Variants in AR observed in about 807,000 individuals in gnomAD.
AR encodes the protein androgen receptor.
AR carries 8 observed loss-of-function variants against 53.9 expected under a neutral mutation model. That is an observed-to-expected ratio of 0.15 (90% confidence interval 0.09 to 0.27). AR has a LOEUF of 0.27. AR is among the 10% of genes least tolerant of loss of function. The probability of loss-of-function intolerance (pLI) is 1.00; values close to 1 mark genes in which losing one functional copy is unlikely to be tolerated. For synonymous variants in AR, 359 were observed against 316.4 expected (o/e 1.13, Z -1.43); for missense variants, 639 against 742.5 (o/e 0.86, Z 1.62).
intron 1 of AR, among the ~76,000 whole-genome samples, chrX:67,618,676 A>G (rs1924229084): frequency 9.0e-6 from 1 of 111,594 alleles, no homozygotes; most frequent in Non-Finnish European, 1.9e-5. Flanking sequence ...ATGTGTTCCT[A>G]TTCTATCTAG....
chrX:67,623,218 A>G (rs1924463231), intron 1 of AR, among the ~76,000 whole-genome samples: 1 of 110,511 alleles, frequency 9.0e-6, no homozygotes, highest in African/African-American at 3.3e-5. Flanking sequence ...AAACGCTAGC[A>G]AACGTTGTGA....
At chrX:67,583,003 T>C (rs1424837059) in intron 1 of AR, among the ~76,000 whole-genome samples, 1 of 112,048 alleles carries the variant, frequency 8.9e-6, no homozygotes, top group Non-Finnish European at 1.9e-5. Context: ...AGCTTCATTT[T>C]TGGTCATTGC....
At chrX:67,711,764 T>C in intron 4 of AR, 75 bp downstream of exon 4, 1 of 1,040,996 alleles carries the variant, frequency 9.6e-7, no homozygotes, top group African/African-American at 1.9e-5. Flanking sequence ...CCAGCCACCA[T>C]GTCTGGTGCT....
rs1045688277 is a variant in AR at position 67,723,409 on chromosome X, A to G, written c.2608-277A>G. The stretch of plus-strand genomic sequence containing the variant: ...GTGCGGAGGCTTGGGTGAGAGCACA[A>G]GCTGGAGAAGTCTTGAGTCAGAGAG... On this transcript the variant is annotated intron_variant, in intron 7 of 7. Coordinates refer to ENST00000374690, the MANE Select transcript of AR (RefSeq NM_000044.6). Among the ~76,000 whole-genome samples the G allele has an allele frequency of 7.0e-5, 7 of 100,343 alleles. No homozygotes were observed. In the East Asian group the frequency reaches 2.4e-3, roughly 34 times the overall value. 87.1% of individuals were successfully genotyped at this position (100,343 alleles called of 115,157 possible).
intron 2 of AR, among the ~76,000 whole-genome samples, chrX:67,682,271 A>T (rs1348306616): frequency 9.0e-6 from 1 of 110,924 alleles, no homozygotes; most frequent in Admixed American, 9.6e-5. Context: ...CTTACTTTGC[A>T]CAGATTATTA....
Position 67,711,447 on chromosome X carries a change from G to C in AR, c.1931G>C (p.Gly644Ala), listed in dbSNP as rs1298691127. ...GGTAATCTGAAACTACAGGAGGAAG[G>C]AGAGGCTTCCAGCACCACCAGCCCC... ...KLGNLKLQEE[G>A]EASSTTSPTE... The change falls in exon 4 of 8, where the codon GGA (glycine) becomes GCA (alanine). Residue 644 changes from glycine to alanine, a missense_variant. Physicochemically the swap from Gly to Ala is moderately conservative, Grantham distance 60. This residue lies in a region of AR where 47 missense variants were observed against 35.9 expected (regional missense o/e 1.31). Transcript: ENST00000374690. 1 of 1,202,740 alleles carries C rather than the reference G, an allele frequency of 8.3e-7. No homozygotes were observed. The highest frequency in any genetic ancestry group is 3.0e-5 in the East Asian group (1 of 33,521).
intron 4 of AR, among the ~76,000 whole-genome samples, chrX:67,716,968 C>T (rs1038683328): frequency 2.7e-5 from 3 of 111,672 alleles, no homozygotes; most frequent in Non-Finnish European, 5.6e-5. Context: ...GTTCCTTAAC[C>T]TCTCTCTGAC....
At chrX:67,627,742 T>C (rs1013158624) in intron 1 of AR, among the ~76,000 whole-genome samples, 1 of 111,619 alleles carries the variant, frequency 9.0e-6, no homozygotes, top group Non-Finnish European at 1.9e-5. Flanking sequence ...AATGCCTAGG[T>C]TTTCTTCTAG....
intron 3 of AR, among the ~76,000 whole-genome samples, chrX:67,687,301 T>A (rs1158224117): frequency 9.0e-6 from 1 of 111,717 alleles, no homozygotes; most frequent in Non-Finnish European, 1.9e-5. Context: ...TTCATATAGA[T>A]AACTATATCC....
At chrX:67,587,060 T>C (rs1243979936) in intron 1 of AR, among the ~76,000 whole-genome samples, 1 of 112,126 alleles carries the variant, frequency 8.9e-6, no homozygotes, top group Non-Finnish European at 1.9e-5. Context: ...AAAATATGCA[T>C]TCTCATTTCC....
chrX:67,707,370 A>C (rs1006010473), intron 3 of AR, among the ~76,000 whole-genome samples: 1 of 111,780 alleles, frequency 8.9e-6, no homozygotes, highest in Non-Finnish European at 1.9e-5. Flanking sequence ...TTCTTGTTGA[A>C]CTGATCCCTT....
At chrX:67,680,859 C>T (rs2075929245) in intron 2 of AR, 1 of 308,163 alleles carries the variant, frequency 3.2e-6, no homozygotes, top group Admixed American at 3.3e-5. Context: ...TGAAAGCTGT[C>T]TCATGGCCTT....
At chrX:67,667,288 T>C (rs182471925) in intron 2 of AR, among the ~76,000 whole-genome samples, 24 of 111,738 alleles carry the variant, frequency 2.1e-4, no homozygotes, top group Non-Finnish European at 1.9e-5. Context: ...ATCCAGTTTT[T>C]CTAGCACCTT....
intron 4 of AR, 55 bp downstream of exon 4, chrX:67,711,744 C>T (rs2147525568): frequency 9.0e-7 from 1 of 1,109,368 alleles, no homozygotes; most frequent in Non-Finnish European, 1.2e-6. Flanking sequence ...TTAGTGAACG[C>T]TCCTATGGAC....
At chrX:67,572,501 A>G (rs1311860061) in intron 1 of AR, among the ~76,000 whole-genome samples, 1 of 111,728 alleles carries the variant, frequency 9.0e-6, no homozygotes, top group Non-Finnish European at 1.9e-5. Context: ...TACATCAAAT[A>G]TTATAATAAA....
At chrX:67,553,361 G>A (rs898949209) in intron 1 of AR, among the ~76,000 whole-genome samples, 8 of 112,002 alleles carry the variant, frequency 7.1e-5, no homozygotes, top group Non-Finnish European at 1.5e-4. Flanking sequence ...TCAGTTGACC[G>A]TAAATGTGAG....
At chrX:67,663,701 A>G (rs1389390106) in intron 2 of AR, among the ~76,000 whole-genome samples, 2 of 112,131 alleles carry the variant, frequency 1.8e-5, no homozygotes, top group African/African-American at 3.2e-5. Context: ...GTTGTCCTGG[A>G]TAATATCCTA....
At chrX:67,669,929 C>G (rs904932883) in intron 2 of AR, among the ~76,000 whole-genome samples, 1 of 106,347 alleles carries the variant, frequency 9.4e-6, no homozygotes, top group Non-Finnish European at 1.9e-5. Flanking sequence ...CAGCGTGTTT[C>G]TTTATATTTA....
chrX:67,565,452 G>C (rs1181946550), intron 1 of AR, among the ~76,000 whole-genome samples: 2 of 111,668 alleles, frequency 1.8e-5, no homozygotes, highest in African/African-American at 6.5e-5. Context: ...GTGGAGGACC[G>C]GAAAATGGGA....
Sources: gnomAD v4.1 joint callset for allele counts (sites outside exome capture counted in the v4.1 genomes callset) on GRCh38, gnomAD v4.1.1 for gene constraint, gnomAD v4.1.1 regional missense constraint, MANE v1.5 for transcripts, NCBI Gene and HGNC (gene_info 2026-07-23, HGNC 2026-07-21) for gene names.